The following USP34 variants were observed in gnomAD, a reference collection of about 807,000 sequenced individuals.
USP34 encodes ubiquitin carboxyl-terminal hydrolase 34.
Under a neutral mutation model 460.3 loss-of-function variants are expected in USP34, and 70 were observed. That is an observed-to-expected ratio of 0.15 (90% CI 0.13 to 0.19). The LOEUF (loss-of-function observed/expected upper bound fraction) is 0.19. USP34 is among the 10% of genes least tolerant of loss of function. USP34 has a pLI of 1.00. For missense variants in USP34, 3,985 were observed against 4,236.2 expected (o/e 0.94, Z 1.65); for synonymous variants, 1,647 against 1,405.3 (o/e 1.17, Z -3.85).
At chr2:61,319,850 A>G (rs1478828539) in intron 21 of USP34, among the ~76,000 whole-genome samples, 1 of 152,162 alleles carries the variant, frequency 6.6e-6, no homozygotes, top group East Asian at 1.9e-4. Flanking sequence ...TCTCAAAAAA[A>G]CCAAAAAAAA....
intron 10 of USP34, among the ~76,000 whole-genome samples, chr2:61,369,789 C>T (rs1420911719): frequency 6.7e-6 from 1 of 148,814 alleles, no homozygotes; most frequent in Non-Finnish European, 1.5e-5. Context: ...AAAGCCACAT[C>T]TGGTTGGTAT....
chr2:61,394,899 G>C lies in USP34; in HGVS notation c.707C>G (p.Thr236Ser). The C allele has an allele frequency of 6.2e-7, 1 of 1,602,660 alleles. No individual in the cohort carries two copies. Among genetic ancestry groups the C allele is most frequent in the Non-Finnish European group, 8.5e-7 (1 of 1,176,154 alleles). The stretch of plus-strand genomic sequence containing the variant: ...CGCATGTGCTATAAGAAATGGCAAA[G>C]TTTCAGGAGTTCCATATTCAAAGCA... ...KDCFEYGTPE[T>S]LPFLIAHAFI... is the part of the protein sequence containing the mutation. The change falls in exon 5 of 80, where the codon ACT becomes AGT. Residue 236 changes from threonine (T) to serine (S), a missense_variant. By Grantham distance (58) the Thr-to-Ser change is moderately conservative (BLOSUM62 1). This residue lies in a region of USP34 where 331 missense variants were observed against 293.7 expected (regional missense o/e 1.13). Transcript: ENST00000398571.
At chr2:61,370,206 G>C (rs1434476632) in intron 10 of USP34, 115 bp downstream of exon 10, 2 of 1,020,218 alleles carry the variant, frequency 2.0e-6, no homozygotes, top group Non-Finnish European at 2.9e-6. Flanking sequence ...GTCCCAGCTT[G>C]TCCATGTCTT....
intron 21 of USP34, among the ~76,000 whole-genome samples, chr2:61,322,418 A>T (rs1434116898): frequency 6.6e-6 from 1 of 152,188 alleles, no homozygotes; most frequent in East Asian, 1.9e-4. Flanking sequence ...GGCAGAAGAC[A>T]GACGAACTAT....
intron 75 of USP34, among the ~76,000 whole-genome samples, chr2:61,199,448 G>A (rs1434210127): frequency 6.6e-6 from 1 of 152,176 alleles, no homozygotes; most frequent in African/African-American, 2.4e-5. Flanking sequence ...TAGAGACAGG[G>A]TTTTGCCATG....
chr2:61,350,250 C>A lies in USP34; in HGVS notation c.1507+10G>T, dbSNP rs753455844. The stretch of plus-strand genomic sequence containing the variant: ...CAACAATTTACTTCAAAATACATGA[C>A]ATTACTAACCTTTCTTATTTCCAAT... On this transcript the variant is annotated intron_variant, in intron 12 of 79. Transcript: ENST00000398571. 4.4e-6 allele frequency: 7 copies of A among 1,588,110 alleles called. No individual in the cohort carries two copies.
At chr2:61,411,180 T>G (rs1694025089) in intron 2 of USP34, among the ~76,000 whole-genome samples, 1 of 151,920 alleles carries the variant, frequency 6.6e-6, no homozygotes, top group South Asian at 2.1e-4. Flanking sequence ...AGCCCAGGAA[T>G]TCAAGACTGG....
intron 29 of USP34, among the ~76,000 whole-genome samples, chr2:61,299,084 T>C: frequency 6.6e-6 from 1 of 151,854 alleles, no homozygotes; most frequent in East Asian, 1.9e-4. Context: ...CACCTATTAA[T>C]GATTATTCTG....
At chr2:61,419,669 A>AT (rs549584387) in intron 2 of USP34, among the ~76,000 whole-genome samples, 21 of 152,100 alleles carry the variant, frequency 1.4e-4, no homozygotes, top group South Asian at 1.0e-3. Context: ...AGAAGTGTAG[A>AT]TTTTTTTCCT....
At chr2:61,327,112 A>G (rs745498329) in intron 20 of USP34, among the ~76,000 whole-genome samples, 4 of 151,984 alleles carry the variant, frequency 2.6e-5, no homozygotes, top group African/African-American at 4.8e-5. Flanking sequence ...ATGTCCTGTA[A>G]TCCACAAGTA....
chr2:61,359,516 C>T (rs1692210408), intron 10 of USP34, among the ~76,000 whole-genome samples: 1 of 152,130 alleles, frequency 6.6e-6, no homozygotes, highest in Non-Finnish European at 1.5e-5. Context: ...TTGTAATCTT[C>T]ATGACATTGG....
At chr2:61,251,899 C>T (rs1444367604) in intron 48 of USP34, among the ~76,000 whole-genome samples, 7 of 151,654 alleles carry the variant, frequency 4.6e-5, no homozygotes, top group African/African-American at 4.8e-5. Context: ...ACTGTATATA[C>T]GTGACTGTGC....
chr2:61,467,108 G>C (rs1287096893), intron 1 of USP34, among the ~76,000 whole-genome samples: 2 of 151,952 alleles, frequency 1.3e-5, no homozygotes, highest in Non-Finnish European at 2.9e-5. Context: ...GTTCAGACCA[G>C]CCTGGCCAAT....
At chr2:61,243,011 T>G (rs1053735166) in intron 51 of USP34, among the ~76,000 whole-genome samples, 3 of 151,556 alleles carry the variant, frequency 2.0e-5, no homozygotes, top group South Asian at 4.2e-4. Flanking sequence ...CCTGGCTAAT[T>G]TTTTGCGTGT....
chr2:61,257,136 G>C (rs1386790915), intron 45 of USP34, 28 bp from the exon 46 acceptor site: 3 of 1,571,390 alleles, frequency 1.9e-6, no homozygotes, highest in East Asian at 4.5e-5. Context: ...CAAAAAATAA[G>C]AAACTAGTTA....
intron 62 of USP34, among the ~76,000 whole-genome samples, chr2:61,226,239 A>C (rs764106728): frequency 6.6e-6 from 1 of 152,242 alleles, no homozygotes; most frequent in South Asian, 2.1e-4. Context: ...CTGAAACAAA[A>C]AGGCAAATTG....
chr2:61,392,708 C>T (rs1693388768), intron 5 of USP34, among the ~76,000 whole-genome samples: 2 of 152,134 alleles, frequency 1.3e-5, no homozygotes, highest in South Asian at 4.1e-4. Context: ...ACAAGCTTTC[C>T]ATACTAGACT....
Position 61,319,318 on chromosome 2 carries a change from A to G in USP34, c.3023T>C (p.Leu1008Ser). ...LGSPDHFRLS[L>S]EQVDILWHCL... ...ATGCCATAAGATGTCAACTTGCTCT[A>G]AACTTAACCCTAGATAAAAATTATA... is the stretch of plus-strand genomic sequence containing the variant. The change falls in exon 22 of 80, where the codon TTA becomes TCA. Residue 1008 changes from leucine to serine, a missense_variant. By Grantham distance (145) the Leu-to-Ser change is moderately radical (BLOSUM62 -2). Around this residue, in one of 14 missense-constraint regions of USP34, gnomAD observed 1,114 missense variants for 1,122.5 expected, o/e 0.99. Coordinates refer to ENST00000398571, the MANE Select transcript of USP34 (RefSeq NM_014709.4). 1 of 1,543,896 alleles carries G rather than the reference A, an allele frequency of 6.5e-7. No individual in the cohort carries two copies. Among genetic ancestry groups the G allele is most frequent in the Non-Finnish European group, 8.7e-7 (1 of 1,155,872 alleles).
At chr2:61,455,982 AG>A (rs1460623941) in intron 1 of USP34, among the ~76,000 whole-genome samples, 1 of 152,186 alleles carries the variant, frequency 6.6e-6, no homozygotes, top group Non-Finnish European at 1.5e-5. Context: ...CACTCACTCA[AG>A]TATCATCCTA....
Sources: gnomAD v4.1 joint callset for allele counts (sites outside exome capture counted in the v4.1 genomes callset) on GRCh38, gnomAD v4.1.1 for gene constraint, gnomAD v4.1.1 regional missense constraint, MANE v1.5 for transcripts, NCBI Gene and HGNC (gene_info 2026-07-23, HGNC 2026-07-21) for gene names.